The following FUT9 variants were observed in gnomAD, a reference collection of about 807,000 sequenced individuals.
The protein encoded by FUT9 is fucosyltransferase 9.
FUT9 carries 15 observed loss-of-function variants against 29.7 expected under a neutral mutation model. The observed-to-expected ratio is 0.51, with a 90% CI of 0.34 to 0.78. FUT9 has a LOEUF of 0.78. Among genes scored for constraint, FUT9 ranks in the 30% least tolerant of loss-of-function variants. The probability of loss-of-function intolerance (pLI) is 0.01; values close to 1 mark genes in which losing one functional copy is unlikely to be tolerated. For missense variants in FUT9, 319 were observed against 425.4 expected, an observed-to-expected ratio of 0.75 and a Z score of 2.20; for synonymous variants, 169 against 153.7, an observed-to-expected ratio of 1.10 and a Z score of -0.74.
At chr6:96,019,456 C>T (rs868628712) in intron 1 of FUT9, among the ~76,000 whole-genome samples, 1 of 151,636 alleles carries the variant, frequency 6.6e-6, no homozygotes, top group African/African-American at 2.4e-5. Flanking sequence ...TCAAATAACC[C>T]CCAAATTACA....
At chr6:96,091,684 G>C (rs2127954012) in intron 1 of FUT9, among the ~76,000 whole-genome samples, 1 of 152,180 alleles carries the variant, frequency 6.6e-6, no homozygotes, top group South Asian at 2.1e-4. Flanking sequence ...GAAAGAGAGA[G>C]AGTGAGAGCA....
intron 1 of FUT9, among the ~76,000 whole-genome samples, chr6:96,075,043 C>T (rs1179450352): frequency 1.3e-5 from 2 of 151,938 alleles, no homozygotes; most frequent in African/African-American, 4.8e-5. Context: ...CTTGGCCTCC[C>T]AAAGCACTGG....
intron 1 of FUT9, among the ~76,000 whole-genome samples, chr6:96,112,811 G>A (rs1431279208): frequency 6.6e-6 from 1 of 152,128 alleles, no homozygotes; most frequent in East Asian, 1.9e-4. Context: ...CATACTTCTG[G>A]TGGCATTATC....
rs1158470331 is a variant in FUT9, at chr6:96,214,948, G to C, written c.*10713G>C. ...TATTCCAAGTGAAAATCATGCAGCT[G>C]AGTCCTGCTGCATCCTGGGAGCAAA... On this transcript the variant is annotated 3_prime_UTR_variant, in exon 3 of 3. Transcript: ENST00000302103. 1 of 166,952 alleles carries C rather than the reference G, an allele frequency of 6.0e-6. No individual in the cohort carries two copies. Among genetic ancestry groups the C allele is most frequent in the Non-Finnish European group, 1.5e-5 (1 of 68,066 alleles). The allele number at this position is 166,952 out of a possible 1,614,324, so 10.3% of individuals were successfully genotyped here. A position where few individuals can be genotyped will look rare whatever the true frequency, so the allele number is the denominator to read the frequency against.
At chr6:96,057,470 A>G (rs550676586) in intron 1 of FUT9, among the ~76,000 whole-genome samples, 2 of 152,340 alleles carry the variant, frequency 1.3e-5, no homozygotes, top group Admixed American at 1.3e-4. Context: ...AGAAATATAG[A>G]AACTGAATTG....
At position 96,209,962 on chromosome 6, in the gene FUT9, C is replaced by T. The variant is rs895424854; in HGVS notation, c.*5727C>T. ...GTTTCTGCTATAACTGGTGAACCAT[C>T]CTGTCCTAAACTAGCAGTTCTCAAA... On this transcript the variant is annotated 3_prime_UTR_variant, in exon 3 of 3. Transcript: ENST00000302103. The T allele has an allele frequency of 6.0e-6, 1 of 166,860 alleles. No homozygotes were observed. Among genetic ancestry groups the T allele is most frequent in the Non-Finnish European group, 1.5e-5 (1 of 68,044 alleles). The allele number at this position is 166,860 out of a possible 1,614,324, so 10.3% of individuals were successfully genotyped here. A position where few individuals can be genotyped will look rare whatever the true frequency, so the allele number is the denominator to read the frequency against.
In FUT9 at chr6:96,206,622, C is replaced by T. The variant is rs2127992449; in HGVS notation, c.*2387C>T. ...GGATTACAGGCGTGTACCACTATGC[C>T]TGGCTAGTTTTTGTATTTTTAGTAG... On this transcript the variant is annotated 3_prime_UTR_variant, in exon 3 of 3. Coordinates refer to ENST00000302103, the MANE Select transcript of FUT9 (RefSeq NM_006581.4). 1 of 162,008 alleles carries T rather than the reference C, an allele frequency of 6.2e-6. No homozygotes were observed. Among genetic ancestry groups the T allele is most frequent in the Middle Eastern group, 3.4e-3 (1 of 294 alleles). The allele number at this position is 162,008 out of a possible 1,614,324, so 10.0% of individuals were successfully genotyped here.
At chr6:96,097,959 C>T (rs911587168) in intron 1 of FUT9, among the ~76,000 whole-genome samples, 1 of 151,696 alleles carries the variant, frequency 6.6e-6, no homozygotes, top group African/African-American at 2.4e-5. Flanking sequence ...TTCAAAATAC[C>T]GTGCCACCCT....
chr6:96,108,363 C>T (rs560796419), intron 1 of FUT9, among the ~76,000 whole-genome samples: 1 of 152,262 alleles, frequency 6.6e-6, no homozygotes. Flanking sequence ...CACTTACAAG[C>T]TGAATGACCT....
chr6:96,080,441 G>A (rs1016602626), intron 1 of FUT9, among the ~76,000 whole-genome samples: 2 of 151,924 alleles, frequency 1.3e-5, no homozygotes, highest in African/African-American at 2.4e-5. Flanking sequence ...AAGAACTGAA[G>A]TGAAGCAAAG....
intron 2 of FUT9, among the ~76,000 whole-genome samples, chr6:96,152,018 A>C (rs1401831446): frequency 2.6e-5 from 4 of 152,186 alleles, no homozygotes; most frequent in Non-Finnish European, 5.9e-5. Flanking sequence ...ACCTGATGCC[A>C]GGGCTTGTAG....
chr6:96,110,828 T>TATTTATTTATTTATTTATTTATTC (rs1562128547), intron 1 of FUT9, among the ~76,000 whole-genome samples: 7 of 151,424 alleles, frequency 4.6e-5, no homozygotes, highest in Non-Finnish European at 1.0e-4. Flanking sequence ...TTTATTTATT[T>TATTTATTTATTTATTTATTTATTC]ATTTATTTAT....
chr6:96,184,342 T>A (rs985118841), intron 2 of FUT9, among the ~76,000 whole-genome samples: 1 of 152,114 alleles, frequency 6.6e-6, no homozygotes, highest in East Asian at 1.9e-4. Flanking sequence ...TTCTTTCTTC[T>A]TGGTTAATCT....
At chr6:96,066,749 C>T (rs770152226) in intron 1 of FUT9, among the ~76,000 whole-genome samples, 9 of 151,984 alleles carry the variant, frequency 5.9e-5, no homozygotes, top group Non-Finnish European at 1.3e-4. Flanking sequence ...TACTTTATTT[C>T]CAGAACTACT....
intron 2 of FUT9, among the ~76,000 whole-genome samples, chr6:96,157,226 G>T (rs1431474952): frequency 6.6e-6 from 1 of 152,132 alleles, no homozygotes; most frequent in Non-Finnish European, 1.5e-5. Context: ...GTTTTCTCTT[G>T]TAATTATGAA....
chr6:96,028,430 GACTT>G (rs920445725), intron 1 of FUT9, among the ~76,000 whole-genome samples: 4 of 151,482 alleles, frequency 2.6e-5, no homozygotes, highest in African/African-American at 7.3e-5. Context: ...ATTAAACAAA[GACTT>G]AATATCAACT....
intron 2 of FUT9, among the ~76,000 whole-genome samples, chr6:96,119,674 T>C (rs570848656): frequency 6.6e-6 from 1 of 152,354 alleles, no homozygotes; most frequent in East Asian, 1.9e-4. Flanking sequence ...TGCCATCCTT[T>C]CCTTTAATAC....
At chr6:96,108,567 T>C (rs1405551212) in intron 1 of FUT9, among the ~76,000 whole-genome samples, 1 of 152,168 alleles carries the variant, frequency 6.6e-6, no homozygotes, top group Non-Finnish European at 1.5e-5. Context: ...AATCAAGCTC[T>C]CAGCATGACC....
intron 2 of FUT9, among the ~76,000 whole-genome samples, chr6:96,143,549 T>A (rs554829546): frequency 1.1e-4 from 17 of 151,810 alleles, no homozygotes; most frequent in African/African-American, 3.9e-4. Flanking sequence ...TTTCCTCCCA[T>A]CCCCTCCCTT....
Sources: allele counts gnomAD v4.1 joint callset (sites outside exome capture counted in the v4.1 genomes callset), GRCh38; gene constraint gnomAD v4.1.1; transcripts MANE v1.5; gene names NCBI Gene and HGNC (gene_info 2026-07-23, HGNC 2026-07-21).